The following GRIP1 variants were observed in gnomAD, a reference collection of about 807,000 sequenced individuals.
GRIP1 encodes glutamate receptor interacting protein 1, also known as glutamate receptor-interacting protein 1.
A neutral mutation model predicts 129.9 loss-of-function variants in GRIP1; 45 were observed. That is an observed-to-expected ratio of 0.35 (90% CI 0.27 to 0.44). The LOEUF (loss-of-function observed/expected upper bound fraction) is 0.44. Ranked by LOEUF, GRIP1 falls within the 20% of genes least tolerant of loss-of-function variation. The pLI is 1.00. For synonymous variants in GRIP1, 530 were observed against 520.8 expected (o/e 1.02, Z -0.24); for missense variants, 1,196 against 1,396.8 (o/e 0.86, Z 2.29).
At chr12:66,379,158 A>T (rs2055973139) in intron 20 of GRIP1, 122 bp downstream of exon 20, 3 of 1,106,032 alleles carry the variant, frequency 2.7e-6, no homozygotes, top group Non-Finnish European at 2.8e-6. Context: ...AGCATGGATG[A>T]TTATGGTGGC....
At chr12:66,663,252 T>A (rs1474142549) in intron 1 of GRIP1, among the ~76,000 whole-genome samples, 3 of 152,192 alleles carry the variant, frequency 2.0e-5, no homozygotes, top group Admixed American at 1.3e-4. Flanking sequence ...ATTTTGTGAA[T>A]ATTCTCTAAT....
chr12:66,373,669 A>C (rs2137315316), intron 22 of GRIP1, among the ~76,000 whole-genome samples: 1 of 152,360 alleles, frequency 6.6e-6, no homozygotes, highest in African/African-American at 2.4e-5. Context: ...AAAAGAAATG[A>C]AACAAGTAGA....
intron 20 of GRIP1, among the ~76,000 whole-genome samples, chr12:66,378,411 C>A (rs1474260449): frequency 1.3e-5 from 2 of 151,862 alleles, no homozygotes; most frequent in African/African-American, 4.8e-5. Context: ...GAGATCATAC[C>A]ACTGCACTCC....
intron 2 of GRIP1, among the ~76,000 whole-genome samples, chr12:66,582,969 A>G (rs1468187746): frequency 2.0e-5 from 3 of 151,130 alleles, no homozygotes; most frequent in Admixed American, 6.6e-5. Flanking sequence ...AGCCAAAAGA[A>G]CAAAGCTGGA....
chr12:66,832,463 T>A (rs2039536052), intron 1 of GRIP1, among the ~76,000 whole-genome samples: 1 of 152,088 alleles, frequency 6.6e-6, no homozygotes, highest in Non-Finnish European at 1.5e-5. Flanking sequence ...ATTCATTCCA[T>A]CCTTCCTGGG....
intron 19 of GRIP1, among the ~76,000 whole-genome samples, 198 bp downstream of exon 19, chr12:66,392,110 G>T (rs112073028): frequency 1.5e-3 from 228 of 152,310 alleles, no homozygotes; most frequent in African/African-American, 4.7e-3. Context: ...TTTGGTAAAG[G>T]TTCATGCCTT....
chr12:66,793,410 G>A (rs2136870540), intron 1 of GRIP1, among the ~76,000 whole-genome samples: 1 of 152,182 alleles, frequency 6.6e-6, no homozygotes, highest in Admixed American at 6.5e-5. Context: ...CAAGTATGCT[G>A]TGAATTACAT....
At position 66,899,537 on chromosome 12, in the gene GRIP1, T is replaced by A. The variant is rs549567890; in HGVS notation, c.58+169513A>T. Among the ~76,000 whole-genome samples, 232 of 152,126 alleles carry A rather than the reference T, an allele frequency of 1.5e-3. 1 individual carries two copies. The highest frequency in any genetic ancestry group is 5.3e-3 in the African/African-American group (220 of 41,500). ...GCCACCATACCTGGCTATTTTTTTT[T>A]AATTTTTTATAGAGATGAGGTCTTG... On this transcript the variant is annotated intron_variant, in intron 1 of 1. Coordinates refer to the GRIP1 transcript ENST00000643019.
chr12:66,532,920 G>A (rs1451847211), intron 4 of GRIP1, among the ~76,000 whole-genome samples: 2 of 152,212 alleles, frequency 1.3e-5, no homozygotes, highest in Non-Finnish European at 2.9e-5. Flanking sequence ...AGCTAATGGA[G>A]TAACAGTGAA....
At chr12:66,351,108 A>T (rs1045082142) in intron 24 of GRIP1, among the ~76,000 whole-genome samples, 1 of 152,236 alleles carries the variant, frequency 6.6e-6, no homozygotes, top group Non-Finnish European at 1.5e-5. Flanking sequence ...GATAAGACTA[A>T]TTGTTCTATT....
At chr12:67,040,748 G>C (rs533064261) in intron 1 of GRIP1, among the ~76,000 whole-genome samples, 22 of 152,280 alleles carry the variant, frequency 1.4e-4, no homozygotes, top group African/African-American at 2.2e-4. Context: ...GTCGCACAGG[G>C]CCTGGCAGTC....
intron 8 of GRIP1, 98 bp from the exon 9 acceptor site, chr12:66,463,191 A>C: frequency 9.3e-7 from 1 of 1,076,470 alleles, no homozygotes; most frequent in South Asian, 1.3e-5. Flanking sequence ...TTTTTCATTT[A>C]CTTAAAATAA....
At chr12:67,000,228 G>A (rs992551660) in intron 1 of GRIP1, among the ~76,000 whole-genome samples, 1 of 151,922 alleles carries the variant, frequency 6.6e-6, no homozygotes, top group Non-Finnish European at 1.5e-5. Context: ...CAGGGCAAAA[G>A]GAATACCACA....
chr12:66,464,652 A>G (rs4913306), intron 8 of GRIP1, among the ~76,000 whole-genome samples: 33,817 of 152,076 alleles, frequency 0.22, 4,347 homozygotes, highest in Middle Eastern at 0.41. Context: ...ACACAGTAAG[A>G]AAACTTGCTT....
chr12:66,757,168 T>C (rs867840826), intron 1 of GRIP1, among the ~76,000 whole-genome samples: 6 of 152,186 alleles, frequency 3.9e-5, no homozygotes, highest in Admixed American at 1.3e-4. Context: ...CCTGTTGTGC[T>C]ATCAAATACT....
At chr12:66,362,482 TGACAAGTCATATGGCAGAACAACA>T (rs1410378947) in intron 23 of GRIP1, among the ~76,000 whole-genome samples, 1 of 151,826 alleles carries the variant, frequency 6.6e-6, no homozygotes, top group Non-Finnish European at 1.5e-5. Context: ...TAGCCTTGCC[TGACAAGTCATATGGCAGAACAACA>T]GTGGAGGAGG....
At chr12:66,583,174 T>C (rs897656758) in intron 2 of GRIP1, among the ~76,000 whole-genome samples, 2 of 151,194 alleles carry the variant, frequency 1.3e-5, no homozygotes, top group Non-Finnish European at 3.0e-5. Flanking sequence ...CCCTATTTAA[T>C]AAATGGTGCT....
chr12:66,803,697 C>T (rs1308442086), intron 1 of GRIP1, among the ~76,000 whole-genome samples: 1 of 152,190 alleles, frequency 6.6e-6, no homozygotes, highest in Admixed American at 6.5e-5. Flanking sequence ...TCCAAATGAG[C>T]TAGCCTTCCC....
At chr12:67,057,814 T>C (rs1314133850) in intron 1 of GRIP1, among the ~76,000 whole-genome samples, 1 of 152,196 alleles carries the variant, frequency 6.6e-6, no homozygotes, top group African/African-American at 2.4e-5. Flanking sequence ...AGGGAGAAAA[T>C]GTGAAATGGT....
Sources: allele counts gnomAD v4.1 joint callset (sites outside exome capture counted in the v4.1 genomes callset), GRCh38; gene constraint gnomAD v4.1.1; transcripts MANE v1.5; gene names NCBI Gene and HGNC (gene_info 2026-07-23, HGNC 2026-07-21).